Variants in AGBL4 observed in about 807,000 individuals in gnomAD.
The protein encoded by AGBL4 is AGBL carboxypeptidase 4.
A neutral mutation model predicts 66.4 loss-of-function variants in AGBL4; 58 were observed. That is an observed-to-expected ratio of 0.87 (90% confidence interval 0.71 to 1.09). The LOEUF is 1.09. Ranked by LOEUF, AGBL4 falls within the 50% of genes least tolerant of loss-of-function variation. The pLI is 0.00. For missense variants in AGBL4, 579 were observed against 631.0 expected (o/e 0.92, Z 0.88); for synonymous variants, 234 against 222.9 (o/e 1.05, Z -0.44).
chr1:49,039,394 G>A, intron 5 of AGBL4, among the ~76,000 whole-genome samples: 1 of 152,042 alleles, frequency 6.6e-6, no homozygotes, highest in Non-Finnish European at 1.5e-5. Context: ...GTAGCACTCT[G>A]GTGAAAGATT....
intron 5 of AGBL4, among the ~76,000 whole-genome samples, chr1:48,991,343 C>T (rs970647675): frequency 2.0e-5 from 3 of 152,056 alleles, no homozygotes; most frequent in Non-Finnish European, 2.9e-5. Context: ...ACTGAAAAGT[C>T]GGCTGCCAGA....
At chr1:48,792,081 T>C (rs1299226978) in intron 6 of AGBL4, among the ~76,000 whole-genome samples, 1 of 152,212 alleles carries the variant, frequency 6.6e-6, no homozygotes, top group Non-Finnish European at 1.5e-5. Context: ...CAAGTTAACA[T>C]GAGGTCATTA....
intron 3 of AGBL4, among the ~76,000 whole-genome samples, chr1:49,669,695 A>G (rs1319655035): frequency 6.6e-5 from 10 of 152,174 alleles, no homozygotes; most frequent in Admixed American, 6.5e-4. Flanking sequence ...TCTACCATGT[A>G]CCAGATACTT....
intron 4 of AGBL4, among the ~76,000 whole-genome samples, chr1:49,208,156 A>T (rs1346760331): frequency 6.6e-6 from 1 of 152,070 alleles, no homozygotes; most frequent in Non-Finnish European, 1.5e-5. Context: ...CAGATGAGGA[A>T]ACTGAGAACT....
At chr1:49,881,897 T>A (rs901592011) in intron 1 of AGBL4, among the ~76,000 whole-genome samples, 4 of 152,116 alleles carry the variant, frequency 2.6e-5, no homozygotes, top group Non-Finnish European at 4.4e-5. Flanking sequence ...TTTAATTAGA[T>A]CCCATTTGTC....
At chr1:49,606,572 C>T (rs1645067266) in intron 3 of AGBL4, among the ~76,000 whole-genome samples, 1 of 152,096 alleles carries the variant, frequency 6.6e-6, no homozygotes, top group Admixed American at 6.6e-5. Flanking sequence ...TTAACTGGAC[C>T]TGTCCTGATT....
chr1:49,948,293 TA>T (rs1323499432), intron 1 of AGBL4, among the ~76,000 whole-genome samples: 9 of 106,542 alleles, frequency 8.4e-5, no homozygotes, highest in African/African-American at 3.6e-4. Flanking sequence ...TATAAATATA[TA>T]AAAATATATA....
intron 4 of AGBL4, among the ~76,000 whole-genome samples, chr1:49,156,222 C>A (rs998918943): frequency 6.6e-6 from 1 of 152,164 alleles, no homozygotes; most frequent in Non-Finnish European, 1.5e-5. Context: ...TGTTAATCAT[C>A]CCTAGAGTAG....
intron 2 of AGBL4, among the ~76,000 whole-genome samples, chr1:49,719,807 T>C (rs1648454180): frequency 6.6e-6 from 1 of 152,080 alleles, no homozygotes; most frequent in Non-Finnish European, 1.5e-5. Context: ...ATTCTTGTGA[T>C]GTGAGCGAGT....
At chr1:49,156,917 T>G (rs1646442856) in intron 4 of AGBL4, among the ~76,000 whole-genome samples, 1 of 152,126 alleles carries the variant, frequency 6.6e-6, no homozygotes, top group African/African-American at 2.4e-5. Context: ...CTGAAAGGTA[T>G]TACTTAACAT....
chr1:49,362,893 C>A (rs1224539780), intron 3 of AGBL4, among the ~76,000 whole-genome samples: 2 of 152,056 alleles, frequency 1.3e-5, no homozygotes, highest in African/African-American at 4.8e-5. Flanking sequence ...GTAGGATAAT[C>A]AAGTCTGAAG....
At chr1:49,955,237 G>C (rs988894293) in intron 1 of AGBL4, among the ~76,000 whole-genome samples, 4 of 151,728 alleles carry the variant, frequency 2.6e-5, no homozygotes, top group African/African-American at 7.3e-5. Context: ...AAATATTCTT[G>C]GCCATCTAGA....
chr1:48,860,519 T>C (rs1038604094), intron 6 of AGBL4, among the ~76,000 whole-genome samples: 2 of 152,122 alleles, frequency 1.3e-5, no homozygotes, highest in African/African-American at 4.8e-5. Context: ...GAATCAGAGA[T>C]AAGCTTCTGC....
At chr1:49,409,498 T>C (rs987242749) in intron 3 of AGBL4, among the ~76,000 whole-genome samples, 3 of 151,914 alleles carry the variant, frequency 2.0e-5, no homozygotes, top group Non-Finnish European at 4.4e-5. Context: ...CTAATAGGGG[T>C]GCAAACACAA....
At chr1:49,708,018 C>T (rs758366859) in intron 2 of AGBL4, among the ~76,000 whole-genome samples, 18 of 152,136 alleles carry the variant, frequency 1.2e-4, no homozygotes, top group South Asian at 6.2e-4. Context: ...ATGAATCTGA[C>T]GATTATGTGT....
rs575641468 is a variant in AGBL4 at position 49,715,798 on chromosome 1, A to T, written c.158-18361T>A. Among the ~76,000 whole-genome samples, 3 of 151,984 alleles carry T rather than the reference A, an allele frequency of 2.0e-5. 1 individual carries two copies. The highest frequency in any genetic ancestry group is 1.3e-4 in the Admixed American group (2 of 15,254). On this transcript the variant is annotated intron_variant, in intron 2 of 13. Transcript: ENST00000371839. ...AATATCCTTCACCCACTTTTTGATG[A>T]AGTTGTTTGTTTTTTCTCATAAATT...
chr1:49,576,591 A>G (rs891956631), intron 3 of AGBL4, among the ~76,000 whole-genome samples: 3 of 152,214 alleles, frequency 2.0e-5, no homozygotes, highest in Non-Finnish European at 4.4e-5. Flanking sequence ...GCCTATGATG[A>G]ACTGAGTGCA....
intron 6 of AGBL4, among the ~76,000 whole-genome samples, chr1:48,822,940 T>G (rs1231235165): frequency 1.3e-5 from 2 of 152,226 alleles, no homozygotes; most frequent in African/African-American, 4.8e-5. Context: ...GCATCAGAGT[T>G]GACCTAATGA....
chr1:48,919,416 A>G (rs979887968), intron 5 of AGBL4, among the ~76,000 whole-genome samples: 5 of 152,190 alleles, frequency 3.3e-5, no homozygotes, highest in Non-Finnish European at 7.4e-5. Flanking sequence ...TTTCTCATAT[A>G]CACATTGCCT....
Sources: gnomAD v4.1 joint callset for allele counts (sites outside exome capture counted in the v4.1 genomes callset) on GRCh38, gnomAD v4.1.1 for gene constraint, MANE v1.5 for transcripts, NCBI Gene and HGNC (gene_info 2026-07-23, HGNC 2026-07-21) for gene names.